CFAP44: variants seen among roughly 807,000 people sequenced by gnomAD.
CFAP44 encodes the protein cilia and flagella associated protein 44.
In CFAP44, 134 loss-of-function variants were observed where a neutral mutation model predicts 216.2. The ratio of observed to expected loss-of-function variants is 0.62; its 90% CI spans 0.54 to 0.72. The LOEUF (loss-of-function observed/expected upper bound fraction) is 0.72. Ranked by LOEUF, CFAP44 falls within the 30% of genes least tolerant of loss-of-function variation. The pLI, the probability that CFAP44 is intolerant of heterozygous loss-of-function variation, is 0.00. For synonymous variants in CFAP44, 700 were observed against 727.6 expected (o/e 0.96, Z 0.61); for missense variants, 2,035 against 2,182.1 (o/e 0.93, Z 1.34).
At chr3:113,338,255 C>CAAAAAAAAAAAAAAAAAAAAAAA (rs10574877) in intron 24 of CFAP44, among the ~76,000 whole-genome samples, 2 of 43,042 alleles carry the variant, frequency 4.6e-5, no homozygotes, top group African/African-American at 1.1e-4. Context: ...GACAATGTCT[C>CAAAAAAAAAAAAAAAAAAAAAAA]AAAAAAAAAA....
chr3:113,335,243 T>C (rs1046622790), intron 24 of CFAP44, among the ~76,000 whole-genome samples: 1 of 152,176 alleles, frequency 6.6e-6, no homozygotes, highest in African/African-American at 2.4e-5. Context: ...AAAACTGTAA[T>C]TCTTGAGAAA....
intron 7 of CFAP44, 146 bp from the exon 8 acceptor site, chr3:113,407,187 T>C (rs1934310221): frequency 1.5e-6 from 1 of 689,516 alleles, no homozygotes; most frequent in Non-Finnish European, 2.5e-6. Context: ...ATTAAGTATC[T>C]ACTACCTGCC....
chr3:113,390,163 T>C (rs1377310034), intron 15 of CFAP44, among the ~76,000 whole-genome samples: 1 of 152,166 alleles, frequency 6.6e-6, no homozygotes, highest in Non-Finnish European at 1.5e-5. Flanking sequence ...CAAGTGGGAA[T>C]TATCCCAGGG....
In CFAP44 at chr3:113,427,305, ATCT is replaced by A. The variant is rs763820017; in HGVS notation, c.132_134del (p.Glu44del). 3 of 1,611,704 alleles carry A rather than the reference ATCT, an allele frequency of 1.9e-6. No homozygotes were observed. Among genetic ancestry groups the A allele is most frequent in the Non-Finnish European group, 2.5e-6 (3 of 1,179,102 alleles). On this transcript the variant is annotated inframe_deletion, in exon 3 of 35. Transcript: ENST00000393845. ...CTTTGGTAAATGTTTCATCTGTGTC[ATCT>A]TCTAAAAATGTGTTATCTTCTTGAA...
intron 22 of CFAP44, among the ~76,000 whole-genome samples, chr3:113,355,623 A>T (rs1447338563): frequency 6.6e-6 from 1 of 152,322 alleles, no homozygotes; most frequent in East Asian, 1.9e-4. Context: ...AAGGACAGAA[A>T]ACCAAACACC....
intron 28 of CFAP44, among the ~76,000 whole-genome samples, chr3:113,313,942 G>A (rs2107799108): frequency 6.6e-6 from 1 of 152,152 alleles, no homozygotes; most frequent in Middle Eastern, 3.4e-3. Context: ...CTCAACAGCA[G>A]AATAGAAAGG....
At chr3:113,432,964 C>A (rs1218505875) in intron 2 of CFAP44, among the ~76,000 whole-genome samples, 1 of 152,138 alleles carries the variant, frequency 6.6e-6, no homozygotes, top group African/African-American at 2.4e-5. Context: ...TTCCTTGCTT[C>A]AGTATAATTG....
At chr3:113,422,129 G>C (rs929063528) in intron 4 of CFAP44, among the ~76,000 whole-genome samples, 2 of 151,996 alleles carry the variant, frequency 1.3e-5, no homozygotes, top group African/African-American at 2.4e-5. Flanking sequence ...CTCAATCTAT[G>C]AAAAAAACTA....
At chr3:113,347,215 G>T (rs922954853) in intron 22 of CFAP44, among the ~76,000 whole-genome samples, 2 of 152,170 alleles carry the variant, frequency 1.3e-5, no homozygotes, top group East Asian at 1.9e-4. Context: ...AACAACCCCC[G>T]ACTCTGGAGT....
rs765320838 is a variant in CFAP44 at position 113,409,149 on chromosome 3, C to T, written c.847G>A (p.Asp283Asn). ...GATGTAGTAAGCTGCTCTTCCTTAT[C>T]AGGATTGAAAGTAACCTTAAAAACT... The part of the protein sequence containing the change: ...QEVFKVTFNP[D>N]KEEQLTTSGS... Residue 283 changes from aspartate to asparagine, a missense_variant, in exon 7 of 35, where the codon GAT becomes AAT. Around this residue, in one of 3 missense-constraint regions of CFAP44, gnomAD observed 1,883 missense variants for 2,023.7 expected, o/e 0.93. Coordinates refer to ENST00000393845, the MANE Select transcript of CFAP44 (RefSeq NM_001164496.2). 3 of 1,613,640 alleles carry T rather than the reference C, an allele frequency of 1.9e-6. No homozygotes were observed. The highest frequency in any genetic ancestry group is 2.5e-6 in the Non-Finnish European group (3 of 1,179,828).
Position 113,361,503 on chromosome 3 carries a change from T to G in CFAP44, c.2934+1642A>C, listed in dbSNP as rs140435169. ...GTAGAATAAAGACCTGTTTTGTTTT[T>G]TTTTTTTTTGAGATGGAGTCTCACT... On this transcript the variant is annotated intron_variant, in intron 21 of 34. Transcript: ENST00000393845. Among the ~76,000 whole-genome samples, 122 of 151,258 alleles carry G rather than the reference T, an allele frequency of 8.1e-4. No individual in the cohort carries two copies. In the East Asian group the frequency reaches 9.7e-3, roughly 12 times the overall value.
chr3:113,369,477 T>C (rs146398409), intron 18 of CFAP44, among the ~76,000 whole-genome samples: 4,354 of 152,314 alleles, frequency 0.029, 108 homozygotes, highest in East Asian at 0.1. Context: ...CCTGAATGAC[T>C]ACTGGGTAAA....
In CFAP44 at chr3:113,294,707, T is replaced by G; in HGVS notation, c.5353A>C (p.Asn1785His). ...CATACCTGCTGATTCTGTAGTGTAT[T>G]CAACCGAGAATCAAGTTTCTTCTTT... is the stretch of plus-strand genomic sequence containing the variant. ...IEKKKLDSRL[N>H]TLQNQQGNAF... The change falls in exon 34 of 35, where the codon AAT becomes CAT. Residue 1785 changes from asparagine to histidine, a missense_variant. Asn to His is a moderately conservative substitution (Grantham distance 68). Transcript: ENST00000393845. 6.5e-7 allele frequency: 1 copy of G among 1,535,546 alleles called. No individual in the cohort carries two copies.
intron 1 of CFAP44, among the ~76,000 whole-genome samples, chr3:113,441,215 G>C (rs1235979615): frequency 6.6e-6 from 1 of 152,232 alleles, no homozygotes; most frequent in African/African-American, 2.4e-5. Flanking sequence ...CTGCTGCCTG[G>C]CTGGCTTCCG....
At chr3:113,407,973 T>TTTTA (rs1275543814) in intron 7 of CFAP44, among the ~76,000 whole-genome samples, 1 of 152,180 alleles carries the variant, frequency 6.6e-6, no homozygotes, top group Non-Finnish European at 1.5e-5. Flanking sequence ...AAAATACAGA[T>TTTTA]TTTACTAAAT....
At chr3:113,388,070 GC>G (rs1933697650) in intron 15 of CFAP44, among the ~76,000 whole-genome samples, 1 of 152,056 alleles carries the variant, frequency 6.6e-6, no homozygotes, top group South Asian at 2.1e-4. Context: ...CTGACTCCAG[GC>G]CCTGACTCCC....
At chr3:113,361,243 C>A in intron 21 of CFAP44, 1 of 217,696 alleles carries the variant, frequency 4.6e-6, no homozygotes. Flanking sequence ...TATGTAATTT[C>A]ATCTGTCAGT....
chr3:113,317,011 G>A (rs922155871), intron 28 of CFAP44, among the ~76,000 whole-genome samples: 2 of 152,154 alleles, frequency 1.3e-5, no homozygotes, highest in Admixed American at 1.3e-4. Context: ...AATGCCAAGA[G>A]TGAATTGAGA....
At chr3:113,369,343 C>A (rs751274581) in intron 18 of CFAP44, among the ~76,000 whole-genome samples, 58 of 152,282 alleles carry the variant, frequency 3.8e-4, no homozygotes, top group Middle Eastern at 3.4e-3. Context: ...GTAAAACACT[C>A]CTCAGCAAAT....
Sources: allele counts gnomAD v4.1 joint callset (sites outside exome capture counted in the v4.1 genomes callset), GRCh38; gene constraint gnomAD v4.1.1; regional missense constraint gnomAD v4.1.1; transcripts MANE v1.5; gene names NCBI Gene and HGNC (gene_info 2026-07-23, HGNC 2026-07-21).